SAMD12: variants seen among roughly 807,000 people sequenced by gnomAD.
The protein encoded by SAMD12 is sterile alpha motif domain containing 12, also known as sterile alpha motif domain-containing protein 12.
A neutral mutation model predicts 15.0 loss-of-function variants in SAMD12; 9 were observed. The observed-to-expected ratio is 0.60, with a 90% CI of 0.36 to 1.05. The LOEUF (loss-of-function observed/expected upper bound fraction) is 1.05, where lower values mean the gene tolerates loss of function less well. Ranked by LOEUF, SAMD12 falls within the 50% of genes least tolerant of loss-of-function variation. SAMD12 has a pLI of 0.01. For missense variants in SAMD12, 230 were observed against 234.2 expected, an observed-to-expected ratio of 0.98 and a Z score of 0.12; for synonymous variants, 86 against 90.1, an observed-to-expected ratio of 0.96 and a Z score of 0.25.
intron 1 of SAMD12, among the ~76,000 whole-genome samples, chr8:118,598,687 T>C (rs1452758972): frequency 6.6e-6 from 1 of 152,216 alleles, no homozygotes; most frequent in Non-Finnish European, 1.5e-5. Context: ...GTGAATAGGA[T>C]TGTTCCCATT....
At chr8:118,594,128 A>G (rs1158793013) in intron 1 of SAMD12, among the ~76,000 whole-genome samples, 4 of 152,144 alleles carry the variant, frequency 2.6e-5, no homozygotes, top group African/African-American at 9.7e-5. Context: ...TCAGAGATAA[A>G]TCAGCTCTGG....
At chr8:118,390,699 C>A (rs1438475715) in intron 3 of SAMD12, among the ~76,000 whole-genome samples, 1 of 152,124 alleles carries the variant, frequency 6.6e-6, no homozygotes, top group Non-Finnish European at 1.5e-5. Flanking sequence ...TACCTGAGAG[C>A]GCTGCCCACC....
chr8:118,273,048 AT>A (rs1813404210), intron 4 of SAMD12, among the ~76,000 whole-genome samples: 1 of 152,166 alleles, frequency 6.6e-6, no homozygotes, highest in Non-Finnish European at 1.5e-5. Context: ...TACCATACTA[AT>A]TTACTGTATT....
At chr8:118,599,425 T>C (rs549915174) in intron 1 of SAMD12, among the ~76,000 whole-genome samples, 2 of 152,250 alleles carry the variant, frequency 1.3e-5, no homozygotes, top group Non-Finnish European at 2.9e-5. Context: ...CATGTGCACA[T>C]GAGAACGCAG....
chr8:118,480,288 C>T (rs750584623), intron 2 of SAMD12, among the ~76,000 whole-genome samples: 1 of 152,156 alleles, frequency 6.6e-6, no homozygotes, highest in Non-Finnish European at 1.5e-5. Flanking sequence ...CCTCCTGAAT[C>T]GCACAAAGGG....
At chr8:118,250,502 G>T (rs1812795659) in intron 4 of SAMD12, among the ~76,000 whole-genome samples, 1 of 147,456 alleles carries the variant, frequency 6.8e-6, no homozygotes, top group Non-Finnish European at 1.5e-5. Flanking sequence ...GGCAAAAATG[G>T]ATTTTTTTTT....
intron 4 of SAMD12, among the ~76,000 whole-genome samples, chr8:118,367,491 C>G (rs2130664961): frequency 6.6e-6 from 1 of 152,274 alleles, no homozygotes. Context: ...AATTTAAGAT[C>G]CTTCAAATCC....
chr8:118,448,063 C>G (rs1822972343), intron 2 of SAMD12, among the ~76,000 whole-genome samples: 1 of 152,182 alleles, frequency 6.6e-6, no homozygotes, highest in South Asian at 2.1e-4. Context: ...TTCCTTAATA[C>G]ATTCTGTTCC....
At chr8:118,264,048 T>C (rs1430074798) in intron 4 of SAMD12, among the ~76,000 whole-genome samples, 1 of 152,132 alleles carries the variant, frequency 6.6e-6, no homozygotes, top group Non-Finnish European at 1.5e-5. Flanking sequence ...ACATAAGCTT[T>C]AGGTTTATTT....
At chr8:118,490,480 A>C (rs1824412483) in intron 2 of SAMD12, among the ~76,000 whole-genome samples, 1 of 152,216 alleles carries the variant, frequency 6.6e-6, no homozygotes, top group Admixed American at 6.5e-5. Context: ...GTTCAGGGAT[A>C]ATAATAAAGC....
At chr8:118,219,082 A>G (rs1812026903) in intron 4 of SAMD12, among the ~76,000 whole-genome samples, 1 of 152,176 alleles carries the variant, frequency 6.6e-6, no homozygotes, top group South Asian at 2.1e-4. Context: ...CGCTGCCCCC[A>G]ACATCCTTTC....
intron 4 of SAMD12, among the ~76,000 whole-genome samples, chr8:118,318,268 A>C (rs2130434111): frequency 6.8e-6 from 1 of 148,012 alleles, no homozygotes; most frequent in South Asian, 2.1e-4. Context: ...CTCAATTCAC[A>C]ATTGCCAATG....
At chr8:118,440,036 T>A (rs192967003) in intron 2 of SAMD12, 75 bp from the exon 3 acceptor site, 37 of 1,471,896 alleles carry the variant, frequency 2.5e-5, no homozygotes, top group Admixed American at 7.0e-5. Context: ...AGTCTTAGAG[T>A]GTGTTAAAGG....
intron 2 of SAMD12, among the ~76,000 whole-genome samples, chr8:118,569,517 C>T (rs1020205575): frequency 5.3e-5 from 8 of 152,142 alleles, no homozygotes; most frequent in African/African-American, 1.7e-4. Context: ...TTTGTGCCTC[C>T]TAAAACTGAT....
At chr8:118,147,267 C>T in the SAMD12 span, among the ~76,000 whole-genome samples, 1 of 151,946 alleles carries the variant, frequency 6.6e-6, no homozygotes, top group Non-Finnish European at 1.5e-5. Context: ...TCATGTGATC[C>T]ACCCAGCTCA....
chr8:118,555,040 CAA>C (rs1421579813), intron 2 of SAMD12, among the ~76,000 whole-genome samples: 1 of 152,058 alleles, frequency 6.6e-6, no homozygotes, highest in Non-Finnish European at 1.5e-5. Flanking sequence ...ATTTACACCT[CAA>C]GATGACCAGT....
chr8:118,278,515 T>C (rs748080513), intron 4 of SAMD12, among the ~76,000 whole-genome samples: 8 of 152,192 alleles, frequency 5.3e-5, no homozygotes, highest in Non-Finnish European at 7.3e-5. Context: ...ACCATAACCA[T>C]GGACACGGGC....
At chr8:118,256,779 T>TACACACAC (rs3052764) in intron 4 of SAMD12, among the ~76,000 whole-genome samples, 4,192 of 139,822 alleles carry the variant, frequency 0.03, 146 homozygotes, top group Admixed American at 0.11. Flanking sequence ...CTGCATAAGA[T>TACACACAC]ACACACACAC....
chr8:118,269,476 T>C (rs1256537356), intron 4 of SAMD12, among the ~76,000 whole-genome samples: 1 of 152,178 alleles, frequency 6.6e-6, no homozygotes, highest in African/African-American at 2.4e-5. Flanking sequence ...GCCAGATTGA[T>C]GTAGATATTG....
Sources: allele counts gnomAD v4.1 joint callset (sites outside exome capture counted in the v4.1 genomes callset), GRCh38; gene constraint gnomAD v4.1.1; transcripts MANE v1.5; gene names NCBI Gene and HGNC (gene_info 2026-07-23, HGNC 2026-07-21).